Variants in MPPED2 observed in about 807,000 individuals in gnomAD.
The protein encoded by MPPED2 is metallophosphoesterase domain containing 2, also known as metallophosphoesterase MPPED2.
In MPPED2, 5 loss-of-function variants were observed where a neutral mutation model predicts 33.0. That is an observed-to-expected ratio of 0.15 (90% CI 0.08 to 0.32). MPPED2 has a LOEUF of 0.32. MPPED2 is among the 10% of genes least tolerant of loss of function. The pLI, the probability that MPPED2 is intolerant of heterozygous loss-of-function variation, is 1.00. For missense variants in MPPED2, 275 were observed against 372.1 expected, an observed-to-expected ratio of 0.74 and a Z score of 2.15; for synonymous variants, 136 against 141.9, an observed-to-expected ratio of 0.96 and a Z score of 0.29.
chr11:30,436,867 C>T (rs1350601543), intron 4 of MPPED2, among the ~76,000 whole-genome samples: 1 of 152,036 alleles, frequency 6.6e-6, no homozygotes. Flanking sequence ...AAAGTGAGCA[C>T]CTATATTTTC....
chr11:30,443,183 A>G (rs1424994235), intron 4 of MPPED2, among the ~76,000 whole-genome samples: 1 of 152,200 alleles, frequency 6.6e-6, no homozygotes, highest in Non-Finnish European at 1.5e-5. Flanking sequence ...TACTTTAAAA[A>G]AATAATAAAT....
intron 3 of MPPED2, among the ~76,000 whole-genome samples, chr11:30,497,330 C>T (rs1378599577): frequency 6.6e-6 from 1 of 152,182 alleles, no homozygotes; most frequent in Non-Finnish European, 1.5e-5. Flanking sequence ...CCCTACAACT[C>T]TAATATCATG....
At position 30,500,617 on chromosome 11, in the gene MPPED2, TA is replaced by T. The variant is rs374642800; in HGVS notation, c.311-5097del. 1.8e-3 allele frequency among the ~76,000 whole-genome samples: 277 copies of T among 152,294 alleles called. 1 individual carries two copies. The highest frequency in any genetic ancestry group is 6.4e-3 in the African/African-American group (264 of 41,570). ...CCTACCTCATGAGTTTTGGCAAAGA[TA>T]AAATGAAATTTAGCCTCTAAAGCAC... On this transcript the variant is annotated intron_variant, in intron 3 of 6. Coordinates refer to ENST00000358117, the MANE Select transcript of MPPED2 (RefSeq NM_001584.3).
chr11:30,475,223 A>G (rs796541192), intron 4 of MPPED2, among the ~76,000 whole-genome samples: 1 of 152,286 alleles, frequency 6.6e-6, no homozygotes, highest in African/African-American at 2.4e-5. Flanking sequence ...ATATCGAATA[A>G]ATGTTTAATG....
At chr11:30,568,107 G>A (rs1956526482) in intron 2 of MPPED2, among the ~76,000 whole-genome samples, 1 of 152,114 alleles carries the variant, frequency 6.6e-6, no homozygotes, top group Non-Finnish European at 1.5e-5. Context: ...CACCATACAT[G>A]GAACATTTAG....
At chr11:30,390,858 T>C (rs1292301044) in intron 6 of MPPED2, among the ~76,000 whole-genome samples, 3 of 152,140 alleles carry the variant, frequency 2.0e-5, no homozygotes, top group African/African-American at 7.2e-5. Flanking sequence ...CTTCCTTCCA[T>C]GGGGCCTCTT....
intron 3 of MPPED2, among the ~76,000 whole-genome samples, chr11:30,527,765 G>T (rs1455712110): frequency 6.6e-6 from 1 of 152,118 alleles, no homozygotes; most frequent in African/African-American, 2.4e-5. Context: ...TGACACAAGA[G>T]ACTTCAGGGC....
chr11:30,483,621 G>C (rs1179831861), intron 4 of MPPED2, among the ~76,000 whole-genome samples: 1 of 152,154 alleles, frequency 6.6e-6, no homozygotes. Flanking sequence ...AAGCAAGAAA[G>C]GTTTTTCTAC....
intron 2 of MPPED2, among the ~76,000 whole-genome samples, chr11:30,545,310 C>T (rs1955354626): frequency 6.6e-6 from 1 of 151,950 alleles, no homozygotes. Context: ...AAAACCAAAT[C>T]CATTTGAGAA....
chr11:30,527,187 C>T (rs555428745), intron 3 of MPPED2, among the ~76,000 whole-genome samples: 2 of 152,074 alleles, frequency 1.3e-5, no homozygotes, highest in South Asian at 4.1e-4. Context: ...GTCTCGGCCT[C>T]CCAAAGTGCT....
intron 4 of MPPED2, among the ~76,000 whole-genome samples, chr11:30,454,173 T>A (rs1397041019): frequency 6.6e-6 from 1 of 152,210 alleles, no homozygotes; most frequent in South Asian, 2.1e-4. Flanking sequence ...CCTGATGACA[T>A]TTCTATAGGA....
chr11:30,425,439 C>T (rs375129733), intron 4 of MPPED2: 4 of 152,280 alleles, frequency 2.6e-5, no homozygotes, highest in East Asian at 3.9e-4. Flanking sequence ...AGTGTCCGCC[C>T]AGCCCTCTCA....
intron 4 of MPPED2, chr11:30,469,030 T>C (rs936875808): frequency 2.0e-5 from 3 of 152,242 alleles, no homozygotes; most frequent in Non-Finnish European, 2.9e-5. Flanking sequence ...TAAGATATTT[T>C]TGATCCTTAC....
chr11:30,484,177 A>G (rs561058754), intron 4 of MPPED2, among the ~76,000 whole-genome samples: 2 of 152,242 alleles, frequency 1.3e-5, no homozygotes, highest in African/African-American at 2.4e-5. Context: ...GCCTGAAAAT[A>G]TCTAAATTAA....
chr11:30,581,425 G>A (rs968401906), intron 1 of MPPED2, among the ~76,000 whole-genome samples: 3 of 152,180 alleles, frequency 2.0e-5, no homozygotes, highest in African/African-American at 7.2e-5. Flanking sequence ...CAAAGGCTGA[G>A]GGAAGCAAAT....
At chr11:30,386,764 G>T in exon 7 of MPPED2, 1 of 398,510 alleles carries the variant, frequency 2.5e-6, no homozygotes, top group Non-Finnish European at 4.4e-6. Context: ...TCCTGATTAT[G>T]CTGGGTGCAT....
At chr11:30,462,342 A>G (rs1465156862) in intron 4 of MPPED2, among the ~76,000 whole-genome samples, 1 of 152,220 alleles carries the variant, frequency 6.6e-6, no homozygotes, top group African/African-American at 2.4e-5. Context: ...GTGTGATTCT[A>G]TGACACAGCT....
intron 3 of MPPED2, among the ~76,000 whole-genome samples, chr11:30,499,157 C>A (rs1952439461): frequency 6.6e-6 from 1 of 152,184 alleles, no homozygotes; most frequent in Admixed American, 6.5e-5. Flanking sequence ...TCCAGACATG[C>A]AAAATACCCT....
chr11:30,430,430 A>G (rs1949026958), intron 4 of MPPED2, among the ~76,000 whole-genome samples: 1 of 152,220 alleles, frequency 6.6e-6, no homozygotes, highest in Admixed American at 6.5e-5. Context: ...GTCAAATAGA[A>G]TATATCATTA....
Sources: gnomAD v4.1 joint callset for allele counts (sites outside exome capture counted in the v4.1 genomes callset) on GRCh38, gnomAD v4.1.1 for gene constraint, MANE v1.5 for transcripts, NCBI Gene and HGNC (gene_info 2026-07-23, HGNC 2026-07-21) for gene names.